Variants in P3H2 observed in about 807,000 individuals in gnomAD.
P3H2 encodes the protein prolyl 3-hydroxylase 2, also known as leprecan-like 1.
Under a neutral mutation model 87.0 loss-of-function variants are expected in P3H2, and 80 were observed. That is an observed-to-expected ratio of 0.92 (90% CI 0.77 to 1.11). P3H2 has a LOEUF of 1.11. Among genes scored for constraint, P3H2 ranks in the 50% least tolerant of loss-of-function variants. The pLI is 0.00. For synonymous variants in P3H2, 367 were observed against 359.3 expected, an observed-to-expected ratio of 1.02 and a Z score of -0.24; for missense variants, 1,001 against 923.9, an observed-to-expected ratio of 1.08 and a Z score of -1.08.
At chr3:190,038,009 A>C (rs1725477057) in intron 1 of P3H2, among the ~76,000 whole-genome samples, 1 of 152,228 alleles carries the variant, frequency 6.6e-6, no homozygotes, top group Admixed American at 6.5e-5. Flanking sequence ...ACTGGTGATG[A>C]AAACTATCTT....
rs144947075 is a variant in P3H2, at chr3:190,067,193, C to T, written c.480+53059G>A. On this transcript the variant is annotated intron_variant, in intron 1 of 14. Transcript: ENST00000319332. ...TTGTGTATTTTTGTAGATGTCTCTA[C>T]TATCAGATTCATACCTTTTGCAGAC... 3.3e-3 allele frequency among the ~76,000 whole-genome samples: 495 copies of T among 151,996 alleles called. 1 individual carries two copies. Among genetic ancestry groups the T allele is most frequent in the Non-Finnish European group, 5.2e-3 (354 of 67,976 alleles).
chr3:190,071,742 C>G (rs1203958179), intron 1 of P3H2, among the ~76,000 whole-genome samples: 2 of 152,018 alleles, frequency 1.3e-5, no homozygotes, highest in African/African-American at 2.4e-5. Flanking sequence ...ATCTAGGATT[C>G]ACGTCAAATT....
At chr3:190,068,804 C>T (rs948330806) in intron 1 of P3H2, among the ~76,000 whole-genome samples, 5 of 152,048 alleles carry the variant, frequency 3.3e-5, no homozygotes, top group Admixed American at 1.3e-4. Context: ...TTTTCTTCTT[C>T]GGCAATAATT....
rs138726284 is a variant in P3H2, at chr3:190,110,228, C to A, written c.480+10024G>T. On this transcript the variant is annotated intron_variant, in intron 1 of 14. Transcript: ENST00000319332. ...ATTTTGACCTCCAAGTGACATTTTG[C>A]AATATATGGAGACATTTTTTGTTAT... 7.8e-3 allele frequency among the ~76,000 whole-genome samples: 1,184 copies of A among 152,218 alleles called. 12 individuals carry two copies. Among genetic ancestry groups the A allele is most frequent in the African/African-American group, 0.027 (1,124 of 41,536 alleles).
chr3:190,008,421 T>C (rs554302194), intron 1 of P3H2, among the ~76,000 whole-genome samples: 1 of 152,148 alleles, frequency 6.6e-6, no homozygotes, highest in Non-Finnish European at 1.5e-5. Context: ...CTAGTAAGTA[T>C]AGAAGATAAC....
chr3:189,963,609 T>C lies in P3H2; in HGVS notation c.2034+349A>G, dbSNP rs1722880548. Reference sequence around the variant, plus strand: ...ACAGGCGCATGCCACCACATCCAGCTAATTTTGTATTTTTAGTAGAGATGG... The same window carrying C: ...ACAGGCGCATGCCACCACATCCAGCCAATTTTGTATTTTTAGTAGAGATGG... On this transcript the variant is annotated intron_variant, in intron 14 of 14. Transcript: ENST00000319332. 6 of 264,466 alleles carry C rather than the reference T, an allele frequency of 2.3e-5. No individual in the cohort carries two copies. In the South Asian group the frequency reaches 2.8e-4, roughly 12 times the overall value. The allele number at this position is 264,466 out of a possible 1,614,324, so 16.4% of individuals were successfully genotyped here. A position where few individuals can be genotyped will look rare whatever the true frequency, so the allele number is the denominator to read the frequency against.
At chr3:190,110,566 A>G (rs1273001936) in intron 1 of P3H2, among the ~76,000 whole-genome samples, 2 of 152,372 alleles carry the variant, frequency 1.3e-5, no homozygotes, top group South Asian at 2.1e-4. Context: ...CCTGGATTTC[A>G]TATGAAAATA....
intron 13 of P3H2, chr3:189,969,229 G>A (rs1025379221): frequency 2.5e-5 from 19 of 752,912 alleles, no homozygotes; most frequent in Admixed American, 8.8e-5. Flanking sequence ...GGCAATACTC[G>A]CATAACAAAT....
intron 1 of P3H2, among the ~76,000 whole-genome samples, chr3:190,086,080 G>C (rs1293582263): frequency 1.3e-5 from 2 of 152,026 alleles, no homozygotes; most frequent in Non-Finnish European, 1.5e-5. Context: ...GGTATCATTA[G>C]CTACCCCATG....
chr3:189,963,885 T>A (rs757019799), intron 14 of P3H2, 73 bp downstream of exon 14: 1 of 1,518,374 alleles, frequency 6.6e-7, no homozygotes, highest in African/African-American at 1.4e-5. Flanking sequence ...GACGAAGCAA[T>A]TTAAAGGACT....
chr3:190,106,186 T>C (rs909294871), intron 1 of P3H2, among the ~76,000 whole-genome samples: 63 of 152,044 alleles, frequency 4.1e-4, no homozygotes, highest in Admixed American at 1.3e-4. Flanking sequence ...GAGGACACAA[T>C]CTCAAGGAAA....
chr3:190,022,273 C>G lies in P3H2; in HGVS notation c.481-26831G>C, dbSNP rs921620834. Among the ~76,000 whole-genome samples, 4 of 134,756 alleles carry G rather than the reference C, an allele frequency of 3.0e-5. 1 individual carries two copies. In the East Asian group the frequency reaches 1.0e-3, roughly 34 times the overall value. The allele number at this position is 134,756 out of a possible 152,430, so 88.4% of individuals were successfully genotyped here. ...GTGACTTTAGCTCTCTGGAAATGAC[C>G]AAAGGCTTTTAAGAAGTAGTAGATT... On this transcript the variant is annotated intron_variant, in intron 1 of 14. Transcript: ENST00000319332.
chr3:190,059,386 T>C, intron 1 of P3H2, among the ~76,000 whole-genome samples: 1 of 151,866 alleles, frequency 6.6e-6, no homozygotes, highest in Non-Finnish European at 1.5e-5. Flanking sequence ...CCGAGAGGTA[T>C]CAAAAGCACA....
At chr3:190,116,738 T>C (rs1331227489) in intron 1 of P3H2, 1 of 152,206 alleles carries the variant, frequency 6.6e-6, no homozygotes, top group Non-Finnish European at 1.5e-5. Context: ...AAAAGCTATA[T>C]ATTACGTCTT....
At chr3:190,015,096 CCGG>C (rs1724709912) in intron 1 of P3H2, among the ~76,000 whole-genome samples, 1 of 152,124 alleles carries the variant, frequency 6.6e-6, no homozygotes, top group African/African-American at 2.4e-5. Context: ...CTCACTGCAA[CCGG>C]CAACTCCTGG....
intron 1 of P3H2, among the ~76,000 whole-genome samples, chr3:190,010,846 G>A (rs1288604669): frequency 2.6e-5 from 4 of 152,070 alleles, no homozygotes; most frequent in African/African-American, 7.2e-5. Flanking sequence ...GTCTTACACC[G>A]GAAATCACAC....
chr3:190,038,864 T>C (rs1447332699), intron 1 of P3H2, among the ~76,000 whole-genome samples: 4 of 152,214 alleles, frequency 2.6e-5, no homozygotes, highest in African/African-American at 9.7e-5. Context: ...GTATGCTTCA[T>C]GAAATCCTAC....
rs1292309681 is a variant in P3H2, at chr3:189,957,854, AG to A, written c.*57del. ...ACCATGGCTCTGTACAAAAATAAAA[AG>A]GTTCTCATAAGATTAACAATTTAAA... On this transcript the variant is annotated 3_prime_UTR_variant, in exon 15 of 15. Transcript: ENST00000319332. The A allele has an allele frequency of 8.5e-7, 1 of 1,181,752 alleles. No homozygotes were observed. The highest frequency in any genetic ancestry group is 1.3e-6 in the Non-Finnish European group (1 of 793,576). 73.2% of individuals were successfully genotyped at this position (1,181,752 alleles called of 1,614,324 possible).
At chr3:189,969,960 A>C (rs989885571) in intron 13 of P3H2, 1 of 672,684 alleles carries the variant, frequency 1.5e-6, no homozygotes, top group Non-Finnish European at 2.7e-6. Context: ...TTTTTCTACC[A>C]TTGTGTATGC....
Sources: allele counts gnomAD v4.1 joint callset (sites outside exome capture counted in the v4.1 genomes callset), GRCh38; gene constraint gnomAD v4.1.1; transcripts MANE v1.5; gene names NCBI Gene and HGNC (gene_info 2026-07-23, HGNC 2026-07-21).